Variants in LMO7 observed in about 807,000 individuals in gnomAD.
The protein encoded by LMO7 is LIM domain 7.
Under a neutral mutation model 206.5 loss-of-function variants are expected in LMO7, and 120 were observed. That is an observed-to-expected ratio of 0.58 (90% confidence interval 0.50 to 0.68). The LOEUF is 0.68. Ranked by LOEUF, LMO7 falls within the 30% of genes least tolerant of loss-of-function variation. LMO7 has a pLI of 0.00. For missense variants in LMO7, 1,959 were observed against 1,957.9 expected (o/e 1.00, Z -0.01); for synonymous variants, 706 against 681.5 (o/e 1.04, Z -0.56).
intron 4 of LMO7, among the ~76,000 whole-genome samples, chr13:75,783,251 G>C (rs185072314): frequency 7.2e-5 from 11 of 152,204 alleles, no homozygotes; most frequent in Non-Finnish European, 1.3e-4. Flanking sequence ...GAGGGAGCAG[G>C]GTCATCTAAG....
chr13:75,760,107 A>G (rs1177605134), intron 3 of LMO7, among the ~76,000 whole-genome samples: 2 of 152,000 alleles, frequency 1.3e-5, no homozygotes, highest in Non-Finnish European at 2.9e-5. Flanking sequence ...TAATTCTGGT[A>G]ACCAAATGTA....
At chr13:75,749,201 T>G (rs992515199) in intron 3 of LMO7, among the ~76,000 whole-genome samples, 4 of 152,220 alleles carry the variant, frequency 2.6e-5, no homozygotes, top group African/African-American at 9.6e-5. Flanking sequence ...CAGGTTGCAC[T>G]AAAGGTGCCC....
At chr13:75,663,345 A>G (rs1003391126) in intron 1 of LMO7, among the ~76,000 whole-genome samples, 2 of 150,456 alleles carry the variant, frequency 1.3e-5, no homozygotes, top group African/African-American at 4.9e-5. Context: ...AAATTTTTAT[A>G]TTCTGTAAAT....
intron 3 of LMO7, among the ~76,000 whole-genome samples, chr13:75,757,628 A>G (rs1299744372): frequency 6.6e-6 from 1 of 152,104 alleles, no homozygotes. Flanking sequence ...TGGAAGGGAG[A>G]TTGGAGACAA....
intron 4 of LMO7, among the ~76,000 whole-genome samples, chr13:75,788,102 C>G (rs1041142847): frequency 6.6e-5 from 10 of 152,060 alleles, no homozygotes; most frequent in Non-Finnish European, 1.5e-5. Context: ...AGCAATAGCC[C>G]CTTCCCTTAG....
At chr13:75,657,579 T>G (rs1320823056) in intron 1 of LMO7, among the ~76,000 whole-genome samples, 1 of 152,190 alleles carries the variant, frequency 6.6e-6, no homozygotes, top group Non-Finnish European at 1.5e-5. Flanking sequence ...AGAATGAATA[T>G]GAACCCACCC....
chr13:75,739,003 G>A (rs2046195368), intron 3 of LMO7, among the ~76,000 whole-genome samples: 1 of 152,140 alleles, frequency 6.6e-6, no homozygotes, highest in Non-Finnish European at 1.5e-5. Flanking sequence ...GGAATCTTGA[G>A]CAGTATCCCT....
intron 1 of LMO7, among the ~76,000 whole-genome samples, chr13:75,657,814 C>T (rs565614496): frequency 6.6e-6 from 1 of 152,230 alleles, no homozygotes; most frequent in Admixed American, 6.5e-5. Flanking sequence ...CTCTAAGGCC[C>T]TCACCTATTT....
chr13:75,660,387 T>C (rs181955318), intron 1 of LMO7, among the ~76,000 whole-genome samples: 1 of 152,368 alleles, frequency 6.6e-6, no homozygotes, highest in African/African-American at 2.4e-5. Context: ...ATCTAAGTGA[T>C]CATTTCAAAG....
At chr13:75,672,341 A>C (rs904426219) in intron 1 of LMO7, among the ~76,000 whole-genome samples, 10 of 150,978 alleles carry the variant, frequency 6.6e-5, no homozygotes, top group African/African-American at 2.2e-4. Flanking sequence ...TCCCGGGTTC[A>C]AGCAATTCTT....
chr13:75,835,031 G>A (rs539758413), intron 17 of LMO7: 8 of 516,708 alleles, frequency 1.5e-5, no homozygotes, highest in Admixed American at 4.3e-5. Flanking sequence ...TATTTCACAC[G>A]CTGCCTGATT....
At chr13:75,682,813 A>G (rs1223007351) in intron 1 of LMO7, among the ~76,000 whole-genome samples, 2 of 152,330 alleles carry the variant, frequency 1.3e-5, no homozygotes, top group African/African-American at 4.8e-5. Context: ...TACTACAATA[A>G]GAGCCTAATA....
At chr13:75,715,709 C>A (rs1029726329) in intron 2 of LMO7, among the ~76,000 whole-genome samples, 18 of 152,116 alleles carry the variant, frequency 1.2e-4, no homozygotes, top group South Asian at 2.1e-4. Flanking sequence ...GTGGTGTTAA[C>A]GAATAAAAAG....
chr13:75,787,841 T>G (rs1262308905), intron 4 of LMO7, among the ~76,000 whole-genome samples: 1 of 152,240 alleles, frequency 6.6e-6, no homozygotes, highest in Non-Finnish European at 1.5e-5. Context: ...TTAGTTTTCT[T>G]TTTAATGCAG....
At position 75,750,058 on chromosome 13, in the gene LMO7, TA is replaced by T. The variant is rs145705472; in HGVS notation, c.211-10864del. Reference sequence around the variant, plus strand: ...GCGATGATTATCCAAAATAATAGATTAAAAAAAAAACCAGTGCTGGCACATC... The same window carrying T: ...GCGATGATTATCCAAAATAATAGATTAAAAAAAAACCAGTGCTGGCACATC... On this transcript the variant is annotated intron_variant, in intron 3 of 30. Transcript: ENST00000377534. Among the ~76,000 whole-genome samples the T allele has an allele frequency of 1.8e-3, 266 of 148,726 alleles. 1 individual carries two copies. The highest frequency in any genetic ancestry group is 6.1e-3 in the African/African-American group (248 of 40,582).
intron 11 of LMO7, among the ~76,000 whole-genome samples, chr13:75,814,648 T>C (rs2056791570): frequency 6.6e-6 from 1 of 152,174 alleles, no homozygotes; most frequent in Non-Finnish European, 1.5e-5. Flanking sequence ...TCCTGCTTTA[T>C]AATCTTACAG....
chr13:75,669,602 G>T (rs549109028), intron 1 of LMO7, among the ~76,000 whole-genome samples: 1 of 152,114 alleles, frequency 6.6e-6, no homozygotes, highest in African/African-American at 2.4e-5. Context: ...AGCAATGCCC[G>T]CCTAGCCTCA....
rs142115267 is a variant in LMO7, at chr13:75,679,172, T to C, written c.70-34010T>C. Among the ~76,000 whole-genome samples, 49 of 152,346 alleles carry C rather than the reference T, an allele frequency of 3.2e-4. 1 individual carries two copies. The highest frequency in any genetic ancestry group is 1.2e-3 in the African/African-American group (49 of 41,588). ...CTTGTATATAAGAAACATTGTACTTTAGTGACAGATTAAAATAGACTAGCT... is the reference window on the plus strand; with the variant it reads ...CTTGTATATAAGAAACATTGTACTTCAGTGACAGATTAAAATAGACTAGCT... On this transcript the variant is annotated intron_variant, in intron 1 of 30. Coordinates refer to ENST00000377534, the MANE Select transcript of LMO7 (RefSeq NM_001306080.2).
intron 13 of LMO7, 75 bp from the exon 14 acceptor site, chr13:75,821,102 C>T (rs906237467): frequency 1.3e-4 from 147 of 1,129,038 alleles, no homozygotes; most frequent in Middle Eastern, 1.0e-3. Context: ...CCGTTTCATG[C>T]GTTGATTACT....
Sources: allele counts gnomAD v4.1 joint callset (sites outside exome capture counted in the v4.1 genomes callset), GRCh38; gene constraint gnomAD v4.1.1; transcripts MANE v1.5; gene names NCBI Gene and HGNC (gene_info 2026-07-23, HGNC 2026-07-21).